The following CERT1 variants were observed in gnomAD, a reference collection of about 807,000 sequenced individuals.
CERT1 encodes the protein ceramide transporter 1.
Under a neutral mutation model 87.9 loss-of-function variants are expected in CERT1, and 31 were observed. The observed-to-expected ratio is 0.35, with a 90% confidence interval of 0.27 to 0.48. The LOEUF is 0.48. CERT1 is among the 20% of genes least tolerant of loss of function. The pLI is 0.99. For missense variants in CERT1, 487 were observed against 758.0 expected (o/e 0.64, Z 4.20); for synonymous variants, 289 against 250.9 (o/e 1.15, Z -1.44).
intron 3 of CERT1, among the ~76,000 whole-genome samples, chr5:75,439,289 T>C (rs1764219110): frequency 6.6e-6 from 1 of 151,908 alleles, no homozygotes; most frequent in Non-Finnish European, 1.5e-5. Flanking sequence ...GATAAACTCG[T>C]ACATTATCAT....
intron 8 of CERT1, among the ~76,000 whole-genome samples, chr5:75,406,189 T>C (rs1363922192): frequency 3.3e-5 from 5 of 152,232 alleles, no homozygotes; most frequent in Non-Finnish European, 7.3e-5. Flanking sequence ...AACCATTCTT[T>C]CCTCTCAATT....
intron 2 of CERT1, among the ~76,000 whole-genome samples, chr5:75,488,269 T>C (rs1453084714): frequency 1.3e-5 from 2 of 152,038 alleles, no homozygotes; most frequent in Admixed American, 1.3e-4. Context: ...GATGTGATTA[T>C]TACACACTGT....
chr5:75,436,841 T>C (rs1764117951), intron 3 of CERT1, among the ~76,000 whole-genome samples: 1 of 152,142 alleles, frequency 6.6e-6, no homozygotes, highest in Non-Finnish European at 1.5e-5. Context: ...CAGTCATGGC[T>C]TGCAGGAGCC....
At chr5:75,437,863 A>T (rs1298292854) in intron 3 of CERT1, among the ~76,000 whole-genome samples, 1 of 151,996 alleles carries the variant, frequency 6.6e-6, no homozygotes, top group African/African-American at 2.4e-5. Flanking sequence ...TCATTATGCC[A>T]GTAACTACAA....
chr5:75,422,809 A>C (rs935383176), intron 5 of CERT1, among the ~76,000 whole-genome samples: 29 of 152,300 alleles, frequency 1.9e-4, no homozygotes, highest in Admixed American at 1.6e-3. Flanking sequence ...TGGGGTCATT[A>C]GGATGGGCAC....
chr5:75,455,621 T>C (rs527936729), intron 3 of CERT1, among the ~76,000 whole-genome samples: 1 of 152,264 alleles, frequency 6.6e-6, no homozygotes, highest in Non-Finnish European at 1.5e-5. Context: ...GTTACCAATA[T>C]AATATACTGT....
At chr5:75,451,992 A>G (rs1001477030) in intron 3 of CERT1, among the ~76,000 whole-genome samples, 1 of 152,126 alleles carries the variant, frequency 6.6e-6, no homozygotes, top group Non-Finnish European at 1.5e-5. Flanking sequence ...CTTTTTTCAC[A>G]CTTCATTTTA....
rs540751366 is a variant in CERT1 at position 75,426,480 on chromosome 5, TA to T, written c.349-3del. Reference sequence around the variant, plus strand: ...TTCAGATCCATATCCAGATTCAGTCTAAAAAAAAAAGTAAACTATGTGAAAA... The same window carrying T: ...TTCAGATCCATATCCAGATTCAGTCTAAAAAAAAAGTAAACTATGTGAAAA... On this transcript the variant is annotated splice_region_variant and splice_polypyrimidine_tract_variant and intron_variant, in intron 3 of 16. Transcript: ENST00000643780. 6.1e-3 allele frequency: 8,103 copies of T among 1,332,740 alleles called. No individual in the cohort carries two copies. The highest frequency in any genetic ancestry group is 7.9e-3 in the South Asian group (543 of 68,578). 82.6% of individuals were successfully genotyped at this position (1,332,740 alleles called of 1,614,324 possible). A position where few individuals can be genotyped will look rare whatever the true frequency, so the allele number is the denominator to read the frequency against.
chr5:75,507,065 A>T (rs911396003), intron 1 of CERT1, among the ~76,000 whole-genome samples: 2 of 152,144 alleles, frequency 1.3e-5, no homozygotes, highest in African/African-American at 4.8e-5. Context: ...TCCACTGAGA[A>T]ATCTTTTATT....
At chr5:75,440,488 A>T (rs757110355) in intron 3 of CERT1, among the ~76,000 whole-genome samples, 10 of 151,950 alleles carry the variant, frequency 6.6e-5, no homozygotes, top group Admixed American at 2.0e-4. Context: ...TTAAAAACTA[A>T]TATCAAATAT....
chr5:75,498,328 A>G (rs1210262521), intron 2 of CERT1, among the ~76,000 whole-genome samples: 1 of 152,230 alleles, frequency 6.6e-6, no homozygotes, highest in East Asian at 1.9e-4. Flanking sequence ...AAATGTTATC[A>G]CCAAGACAAT....
chr5:75,497,304 ATT>A (rs965266683), intron 2 of CERT1, among the ~76,000 whole-genome samples: 3 of 152,190 alleles, frequency 2.0e-5, no homozygotes, highest in African/African-American at 7.2e-5. Flanking sequence ...CACAAAATAA[ATT>A]TGAGAGACTA....
intron 2 of CERT1, among the ~76,000 whole-genome samples, chr5:75,467,748 T>C (rs1480478596): frequency 1.3e-5 from 2 of 151,514 alleles, no homozygotes; most frequent in Non-Finnish European, 2.9e-5. Flanking sequence ...AAGTGATAAA[T>C]TTGCATAGAA....
downstream of CERT1, chr5:75,373,867 T>G (rs1262253777): frequency 5.2e-6 from 2 of 385,662 alleles, no homozygotes; most frequent in Admixed American, 8.9e-5. Context: ...TCTGAAAAAG[T>G]ATCCAAAAAT....
chr5:75,388,638 A>ATATATCTATC (rs1554034746), intron 12 of CERT1, among the ~76,000 whole-genome samples: 2 of 107,570 alleles, frequency 1.9e-5, no homozygotes, highest in East Asian at 5.6e-4. Flanking sequence ...ATATATATAT[A>ATATATCTATC]TATCTCACAC....
intron 2 of CERT1, among the ~76,000 whole-genome samples, chr5:75,500,130 T>C (rs1325476872): frequency 3.9e-5 from 6 of 152,052 alleles, no homozygotes; most frequent in East Asian, 3.8e-4. Context: ...GTACCAAAGA[T>C]TGCCAGCAAA....
At chr5:75,379,574 G>C in intron 16 of CERT1, 101 bp from the exon 17 acceptor site, 4 of 1,065,042 alleles carry the variant, frequency 3.8e-6, no homozygotes, top group Non-Finnish European at 5.5e-6. Context: ...TCCTCACATT[G>C]GACCAATTAG....
chr5:75,482,923 AAAG>A lies in CERT1; in HGVS notation c.231+23056_231+23058del, dbSNP rs1766323232. Among the ~76,000 whole-genome samples, 2 of 151,438 alleles carry A rather than the reference AAAG, an allele frequency of 1.3e-5. 1 individual carries two copies. Among genetic ancestry groups the A allele is most frequent in the South Asian group, 4.1e-4 (2 of 4,836 alleles). The stretch of plus-strand genomic sequence containing the variant: ...AAACCTTCCTAAGAAGAATGGGTAC[AAAG>A]AAGCCCACACTGCGAAGACTGTAAT... On this transcript the variant is annotated intron_variant, in intron 2 of 16. Transcript: ENST00000643780.
rs371654074 is a variant in CERT1, at chr5:75,400,311, T to C, written c.1018-14A>G. 4.4e-6 allele frequency: 7 copies of C among 1,577,200 alleles called. No individual in the cohort carries two copies. The highest frequency in any genetic ancestry group is 2.2e-5 in the East Asian group (1 of 44,476). On this transcript the variant is annotated splice_polypyrimidine_tract_variant and intron_variant, in intron 9 of 16. Transcript: ENST00000643780. Reference sequence around the variant, plus strand: ...TTCACTCTGTGACTAAAAAAACATATAATATTAAGATGGGAAGGTTTTAAA... The same window carrying C: ...TTCACTCTGTGACTAAAAAAACATACAATATTAAGATGGGAAGGTTTTAAA...
Sources: allele counts gnomAD v4.1 joint callset (sites outside exome capture counted in the v4.1 genomes callset), GRCh38; gene constraint gnomAD v4.1.1; transcripts MANE v1.5; gene names NCBI Gene and HGNC (gene_info 2026-07-23, HGNC 2026-07-21).